TAF2: variants seen among roughly 807,000 people sequenced by gnomAD.
TAF2 encodes transcription initiation factor TFIID subunit 2.
TAF2 carries 61 observed loss-of-function variants against 138.5 expected under a neutral mutation model. The observed-to-expected ratio is 0.44, with a 90% CI of 0.36 to 0.54. The LOEUF is 0.54. Among genes scored for constraint, TAF2 ranks in the 20% least tolerant of loss-of-function variants. The pLI is 0.00. For missense variants in TAF2, 1,090 were observed against 1,427.9 expected, an observed-to-expected ratio of 0.76 and a Z score of 3.81; for synonymous variants, 475 against 469.9, an observed-to-expected ratio of 1.01 and a Z score of -0.14.
At chr8:119,805,864 A>C (rs1034228776) in intron 4 of TAF2, among the ~76,000 whole-genome samples, 7 of 151,758 alleles carry the variant, frequency 4.6e-5, no homozygotes, top group Non-Finnish European at 1.5e-5. Flanking sequence ...TGGTTAATTT[A>C]CAATTTTGAC....
intron 9 of TAF2, among the ~76,000 whole-genome samples, chr8:119,794,656 A>G (rs1335307104): frequency 3.9e-5 from 6 of 152,200 alleles, no homozygotes; most frequent in Non-Finnish European, 8.8e-5. Flanking sequence ...AATTAAGATC[A>G]TTTTAATATT....
At chr8:119,817,507 T>G (rs895859023) in intron 3 of TAF2, among the ~76,000 whole-genome samples, 10 of 152,342 alleles carry the variant, frequency 6.6e-5, no homozygotes, top group Middle Eastern at 3.4e-3. Flanking sequence ...AAGAAACTGC[T>G]GATTTAGAAC....
intron 2 of TAF2, among the ~76,000 whole-genome samples, chr8:119,821,966 A>C (rs912772330): frequency 6.6e-6 from 1 of 152,104 alleles, no homozygotes; most frequent in African/African-American, 2.4e-5. Context: ...TGGGAGGTTG[A>C]GGCTGCAGCG....
At chr8:119,805,120 C>G (rs1332214474) in intron 4 of TAF2, among the ~76,000 whole-genome samples, 1 of 152,130 alleles carries the variant, frequency 6.6e-6, no homozygotes, top group African/African-American at 2.4e-5. Context: ...GCTAAATAAG[C>G]AAGGCAGAAG....
rs1254259042 is a variant in TAF2 at position 119,832,827 on chromosome 8, T to C, written c.-263A>G. On this transcript the variant is annotated 5_prime_UTR_variant, in exon 1 of 26. Coordinates refer to ENST00000378164, the MANE Select transcript of TAF2 (RefSeq NM_003184.4). ...CTCGAAGCTACCATCCGCCGACATC[T>C]TGTCTGTAACCTCTGACCTCCGACG... 4.5e-6 allele frequency: 2 copies of C among 448,754 alleles called. No individual in the cohort carries two copies. Among genetic ancestry groups the C allele is most frequent in the East Asian group, 6.9e-5 (2 of 29,156 alleles). 27.8% of individuals were successfully genotyped at this position (448,754 alleles called of 1,614,324 possible).
intron 2 of TAF2, among the ~76,000 whole-genome samples, chr8:119,825,386 G>A (rs564831354): frequency 2.0e-5 from 3 of 152,350 alleles, no homozygotes; most frequent in Admixed American, 2.0e-4. Flanking sequence ...CTCATAGGCG[G>A]AAGGGACTTG....
chr8:119,831,466 G>GA lies in TAF2; in HGVS notation c.138+210dup, dbSNP rs201699553. Reference sequence around the variant, plus strand: ...GGAATAAAATTTTAATTAGGAAATTGAAAAAAAAGGAAAGGGAGAATTTGG... The same window carrying GA: ...GGAATAAAATTTTAATTAGGAAATTGAAAAAAAAAGGAAAGGGAGAATTTGG... On this transcript the variant is annotated intron_variant, in intron 2 of 25. Transcript: ENST00000378164. Among the ~76,000 whole-genome samples the GA allele has an allele frequency of 2.0e-3, 305 of 151,284 alleles. 2 individuals are homozygous for GA. Among genetic ancestry groups the GA allele is most frequent in the African/African-American group, 6.0e-3 (250 of 41,332 alleles).
intron 12 of TAF2, among the ~76,000 whole-genome samples, chr8:119,789,111 A>C (rs1256904424): frequency 6.6e-6 from 1 of 152,216 alleles, no homozygotes; most frequent in African/African-American, 2.4e-5. Context: ...TGAAACACTG[A>C]CAAATTTGTG....
In TAF2 at chr8:119,797,650, A is replaced by G. The variant is rs1185482560; in HGVS notation, c.977+12T>C. On this transcript the variant is annotated intron_variant, in intron 7 of 25. Transcript: ENST00000378164. ...CTTAATTTAGGCATTTCAAATCTGAAGAGATACCAACCTAAAAATGCTCAT... is the reference window on the plus strand; with the variant it reads ...CTTAATTTAGGCATTTCAAATCTGAGGAGATACCAACCTAAAAATGCTCAT... 1.9e-6 allele frequency: 3 copies of G among 1,610,906 alleles called. No individual in the cohort carries two copies. The highest frequency in any genetic ancestry group is 1.6e-4 in the Middle Eastern group (1 of 6,070).
rs1820133259 is a variant in TAF2, at chr8:119,748,522, C to T, written c.2879-1588G>A. Among the ~76,000 whole-genome samples, 5 of 151,894 alleles carry T rather than the reference C, an allele frequency of 3.3e-5. 1 individual carries two copies. The highest frequency in any genetic ancestry group is 3.3e-4 in the Admixed American group (5 of 15,222). On this transcript the variant is annotated intron_variant, in intron 22 of 25. Transcript: ENST00000378164. The stretch of plus-strand genomic sequence containing the variant: ...AGTTTTGCTGCTGTGTGACATACAA[C>T]ACTGGTAGAAGCAAGAGACAGGCAA...
chr8:119,810,013 A>AAAAAAC (rs1824937105), intron 3 of TAF2, among the ~76,000 whole-genome samples: 1 of 151,772 alleles, frequency 6.6e-6, no homozygotes, highest in Admixed American at 6.6e-5. Context: ...AAAAAAAAAA[A>AAAAAAC]AAAACAGTAT....
chr8:119,788,572 AG>A, intron 13 of TAF2, 125 bp from the exon 14 acceptor site: 1 of 552,728 alleles, frequency 1.8e-6, no homozygotes, highest in Admixed American at 5.8e-5. Context: ...CTGGAGACCT[AG>A]ATAGGCAATT....
At chr8:119,826,261 T>G (rs1469527284) in intron 2 of TAF2, among the ~76,000 whole-genome samples, 8 of 143,810 alleles carry the variant, frequency 5.6e-5, no homozygotes, top group African/African-American at 2.0e-4. Flanking sequence ...AAAGTATAAT[T>G]AAAAAAAAAA....
rs755457771 is a variant in TAF2 at position 119,757,586 on chromosome 8, AT to A, written c.2768+486del. 6.4e-3 allele frequency among the ~76,000 whole-genome samples: 898 copies of A among 139,248 alleles called. 3 individuals carry two copies. The highest frequency in any genetic ancestry group is 6.6e-3 in the African/African-American group (253 of 38,190). 91.4% of individuals were successfully genotyped at this position (139,248 alleles called of 152,430 possible). ...AAATGCCAAGTAAGGTCTGCTAATA[AT>A]TTTTTTTTTTTTTTTTTTAGCTGAG... On this transcript the variant is annotated intron_variant, in intron 21 of 25. Transcript: ENST00000378164.
Position 119,806,457 on chromosome 8 carries a change from T to TTTTC in TAF2, c.300-60_300-57dup, listed in dbSNP as rs1436682491. On this transcript the variant is annotated intron_variant, in intron 3 of 25. Transcript: ENST00000378164. ...ATAAGCCATGTATCTTACCAAGCAT[T>TTTTC]TTTCTTTCTTTCTTTTTTTTTTTTT... is the stretch of plus-strand genomic sequence containing the variant. The TTTTC allele has an allele frequency of 3.4e-4, 431 of 1,274,800 alleles. 4 individuals are homozygous for TTTTC. Among genetic ancestry groups the TTTTC allele is most frequent in the Middle Eastern group, 1.4e-3 (7 of 4,992 alleles). 79.0% of individuals were successfully genotyped at this position (1,274,800 alleles called of 1,614,324 possible).
At chr8:119,784,446 C>T (rs997117874) in intron 15 of TAF2, among the ~76,000 whole-genome samples, 9 of 152,028 alleles carry the variant, frequency 5.9e-5, no homozygotes, top group Non-Finnish European at 8.8e-5. Context: ...ATGCAGTGAG[C>T]CGAGATGGTG....
At chr8:119,764,017 C>T (rs866995274) in intron 18 of TAF2, among the ~76,000 whole-genome samples, 9 of 148,844 alleles carry the variant, frequency 6.0e-5, no homozygotes, top group South Asian at 2.1e-4. Context: ...GGTGTGGTGG[C>T]ACACGCCTAT....
chr8:119,784,170 AAG>A (rs564810912), intron 15 of TAF2, among the ~76,000 whole-genome samples: 41 of 152,348 alleles, frequency 2.7e-4, no homozygotes, highest in African/African-American at 9.9e-4. Context: ...CCTTCATCAA[AAG>A]AACACCACCT....
At position 119,742,648 on chromosome 8, in the gene TAF2, T is replaced by C. The variant is rs1331198724; in HGVS notation, c.3223A>G (p.Lys1075Glu). The change falls in exon 25 of 26, where the codon AAA becomes GAA. Residue 1075 changes from lysine to glutamate, a missense_variant. By Grantham distance (56) the Lys-to-Glu change is moderately conservative. Coordinates refer to ENST00000378164, the MANE Select transcript of TAF2 (RefSeq NM_003184.4). ...GATCGGGAGCTAGCTGGCCGATATT[T>C]CGAGAGCCCTAAAATGCCAAACAAG... ...LERPSTPGLS[K>E]YRPASSRSAL... 1.2e-6 allele frequency: 2 copies of C among 1,613,750 alleles called. No individual in the cohort carries two copies. Among genetic ancestry groups the C allele is most frequent in the Non-Finnish European group, 1.7e-6 (2 of 1,179,938 alleles).
Sources: allele counts gnomAD v4.1 joint callset (sites outside exome capture counted in the v4.1 genomes callset), GRCh38; gene constraint gnomAD v4.1.1; transcripts MANE v1.5; gene names NCBI Gene and HGNC (gene_info 2026-07-23, HGNC 2026-07-21).